Variants in ANO1 observed in about 807,000 individuals in gnomAD.
The protein encoded by ANO1 is anoctamin-1.
In ANO1, 59 loss-of-function variants were observed where a neutral mutation model predicts 124.0. The ratio of observed to expected loss-of-function variants is 0.48; its 90% confidence interval spans 0.39 to 0.59. ANO1 has a LOEUF of 0.59. Among genes scored for constraint, ANO1 ranks in the 20% least tolerant of loss-of-function variants. ANO1 has a pLI of 0.00. For synonymous variants in ANO1, 529 were observed against 532.0 expected, an observed-to-expected ratio of 0.99 and a Z score of 0.08; for missense variants, 1,059 against 1,328.0, an observed-to-expected ratio of 0.80 and a Z score of 3.15.
chr11:69,978,382 T>C, the ANO1 span, among the ~76,000 whole-genome samples: 20 of 152,078 alleles, frequency 1.3e-4, no homozygotes, highest in African/African-American at 4.8e-4. Flanking sequence ...CAGGCCTCAC[T>C]CCCGGTAGTG....
intron 1 of ANO1, among the ~76,000 whole-genome samples, chr11:70,049,669 G>A (rs1183302723): frequency 2.6e-5 from 4 of 151,754 alleles, no homozygotes; most frequent in Non-Finnish European, 4.4e-5. Context: ...AATCTTCTAT[G>A]AATCTACATG....
intron 8 of ANO1, among the ~76,000 whole-genome samples, chr11:70,124,118 G>A (rs556963252): frequency 2.6e-5 from 4 of 152,266 alleles, no homozygotes; most frequent in East Asian, 1.9e-4. Context: ...GCCGTACAGC[G>A]TCTGGCCCAT....
intron 1 of ANO1, among the ~76,000 whole-genome samples, chr11:70,084,612 T>A (rs1336873682): frequency 6.6e-6 from 1 of 152,126 alleles, no homozygotes; most frequent in Non-Finnish European, 1.5e-5. Flanking sequence ...TAGACCCAGG[T>A]CTGGCTGACT....
intron 1 of ANO1, among the ~76,000 whole-genome samples, chr11:70,063,018 C>T (rs1857628232): frequency 6.6e-6 from 1 of 152,116 alleles, no homozygotes; most frequent in Non-Finnish European, 1.5e-5. Flanking sequence ...CAACCTCTGC[C>T]TCCCGGGTTC....
chr11:70,071,004 C>T (rs1336977097), intron 1 of ANO1, among the ~76,000 whole-genome samples: 4 of 152,118 alleles, frequency 2.6e-5, no homozygotes, highest in African/African-American at 7.2e-5. Context: ...GGTAGATGGC[C>T]CATGTACTGG....
intron 2 of ANO1, among the ~76,000 whole-genome samples, chr11:70,088,578 G>A (rs1381847159): frequency 6.6e-6 from 1 of 152,130 alleles, no homozygotes; most frequent in African/African-American, 2.4e-5. Flanking sequence ...GTTAAGGTGG[G>A]GTAGAAATTG....
At chr11:69,985,575 G>C (rs994056455), upstream of ANO1, among the ~76,000 whole-genome samples, 1 of 152,218 alleles carries the variant, frequency 6.6e-6, no homozygotes, top group South Asian at 2.1e-4. Flanking sequence ...TCTCTCGGGG[G>C]CTGGCTCAAG....
At chr11:70,158,238 G>A (rs2047900179) in intron 16 of ANO1, among the ~76,000 whole-genome samples, 1 of 152,200 alleles carries the variant, frequency 6.6e-6, no homozygotes, top group African/African-American at 2.4e-5. Flanking sequence ...ACCCCCAATG[G>A]ATTCGGCCTT....
chr11:70,019,243 CCACA>C (rs59812752), intron 1 of ANO1, among the ~76,000 whole-genome samples: 1 of 122,080 alleles, frequency 8.2e-6, no homozygotes, highest in East Asian at 2.5e-4. Flanking sequence ...AAGAACCCCC[CCACA>C]CACACACACA....
chr11:70,148,740 G>A (rs2047474048), intron 11 of ANO1, among the ~76,000 whole-genome samples: 1 of 152,164 alleles, frequency 6.6e-6, no homozygotes, highest in Admixed American at 6.5e-5. Context: ...TGCTCATTCG[G>A]TGCCCACTCG....
the ANO1 span, among the ~76,000 whole-genome samples, chr11:69,970,297 G>A: frequency 6.6e-6 from 1 of 152,154 alleles, no homozygotes; most frequent in African/African-American, 2.4e-5. Flanking sequence ...ACTGTGCTTC[G>A]GTCCCAGCCC....
At chr11:70,028,359 T>C (rs1338353051) in intron 1 of ANO1, among the ~76,000 whole-genome samples, 3 of 152,158 alleles carry the variant, frequency 2.0e-5, no homozygotes, top group Admixed American at 2.0e-4. Flanking sequence ...CATGTCCGGA[T>C]GTCAAGCCCA....
chr11:69,977,924 T>C, the ANO1 span, among the ~76,000 whole-genome samples: 1 of 152,168 alleles, frequency 6.6e-6, no homozygotes, highest in Non-Finnish European at 1.5e-5. Flanking sequence ...TGAATGGTCC[T>C]CTCTTGAGGG....
chr11:70,140,287 T>G (rs1484260593), intron 11 of ANO1, among the ~76,000 whole-genome samples: 1 of 152,136 alleles, frequency 6.6e-6, no homozygotes, highest in African/African-American at 2.4e-5. Context: ...CTCAGCACTT[T>G]GGGAGGCCAA....
intron 1 of ANO1, among the ~76,000 whole-genome samples, chr11:70,026,092 G>A (rs1856900895): frequency 6.8e-6 from 1 of 146,478 alleles, no homozygotes; most frequent in Non-Finnish European, 1.5e-5. Flanking sequence ...TGATGATGAT[G>A]ATGACGGTGG....
chr11:69,994,544 CTA>C (rs1435723575), intron 1 of ANO1, among the ~76,000 whole-genome samples: 1 of 151,916 alleles, frequency 6.6e-6, no homozygotes, highest in South Asian at 2.1e-4. Flanking sequence ...TAGACATCAT[CTA>C]TATATATATG....
chr11:70,044,083 G>T (rs541905934), intron 1 of ANO1, among the ~76,000 whole-genome samples: 36 of 151,952 alleles, frequency 2.4e-4, no homozygotes, highest in African/African-American at 8.2e-4. Flanking sequence ...TTGTTGAAAG[G>T]TTTTTAAACT....
intron 11 of ANO1, among the ~76,000 whole-genome samples, chr11:70,146,780 C>T (rs2047394542): frequency 6.6e-6 from 1 of 152,094 alleles, no homozygotes; most frequent in African/African-American, 2.4e-5. Context: ...TCCAAGAGTC[C>T]AAAAGCCGAG....
At chr11:70,153,545 C>G (rs985451513) in intron 14 of ANO1, among the ~76,000 whole-genome samples, 5 of 152,202 alleles carry the variant, frequency 3.3e-5, no homozygotes, top group African/African-American at 1.2e-4. Flanking sequence ...GAAACAGAAG[C>G]CTTTGCCAAA....
Sources: allele counts gnomAD v4.1 joint callset (sites outside exome capture counted in the v4.1 genomes callset), GRCh38; gene constraint gnomAD v4.1.1; transcripts MANE v1.5; gene names NCBI Gene and HGNC (gene_info 2026-07-23, HGNC 2026-07-21).